PCDH9: variants seen among roughly 807,000 people sequenced by gnomAD.
PCDH9 encodes the protein protocadherin 9.
A neutral mutation model predicts 70.6 loss-of-function variants in PCDH9; 24 were observed. The ratio of observed to expected loss-of-function variants is 0.34; its 90% confidence interval spans 0.25 to 0.48. The LOEUF is 0.48. PCDH9 is among the 20% of genes least tolerant of loss of function. The pLI is 0.99. For synonymous variants in PCDH9, 562 were observed against 558.5 expected (o/e 1.01, Z -0.09); for missense variants, 1,281 against 1,503.6 (o/e 0.85, Z 2.45).
chr13:66,478,119 T>G (rs1958766730), intron 4 of PCDH9, among the ~76,000 whole-genome samples: 1 of 152,192 alleles, frequency 6.6e-6, no homozygotes, highest in Non-Finnish European at 1.5e-5. Context: ...TGCATTATTA[T>G]TATCTCTGTT....
intron 4 of PCDH9, among the ~76,000 whole-genome samples, chr13:66,463,131 A>T (rs1203253646): frequency 6.6e-6 from 1 of 151,932 alleles, no homozygotes; most frequent in East Asian, 1.9e-4. Context: ...CACCTAAGTG[A>T]TACTTTGTAA....
chr13:66,452,060 C>T (rs1958224677), intron 4 of PCDH9, among the ~76,000 whole-genome samples: 1 of 152,110 alleles, frequency 6.6e-6, no homozygotes, highest in Non-Finnish European at 1.5e-5. Flanking sequence ...TTTGATAATC[C>T]TATGAAGTAT....
At chr13:66,533,630 T>C (rs1220922855) in intron 4 of PCDH9, among the ~76,000 whole-genome samples, 3 of 152,098 alleles carry the variant, frequency 2.0e-5, no homozygotes, top group Admixed American at 6.6e-5. Context: ...AGACATGACA[T>C]AAAAGTTGTC....
chr13:67,115,321 C>T (rs748876731), intron 2 of PCDH9, among the ~76,000 whole-genome samples: 2 of 152,140 alleles, frequency 1.3e-5, no homozygotes, highest in Non-Finnish European at 2.9e-5. Flanking sequence ...AACAGCAGGC[C>T]TCGCACCTTG....
chr13:66,916,145 C>G (rs1188417307), intron 2 of PCDH9, among the ~76,000 whole-genome samples: 1 of 151,568 alleles, frequency 6.6e-6, no homozygotes, highest in Non-Finnish European at 1.5e-5. Context: ...TAAAAATTAT[C>G]TGAATTCCCT....
rs2089973466 is a variant in PCDH9 at position 67,230,118 on chromosome 13, C to T, written c.-474G>A. On this transcript the variant is annotated 5_prime_UTR_variant, in exon 1 of 5. Transcript: ENST00000377865. Reference sequence around the variant, plus strand: ...CATGCATACCATTTCCATCCGATGCCAATACTGCTTAAGTCTCTAACTTCT... The same window carrying T: ...CATGCATACCATTTCCATCCGATGCTAATACTGCTTAAGTCTCTAACTTCT... 1.3e-5 allele frequency: 2 copies of T among 152,174 alleles called. No homozygotes were observed. The allele number at this position is 152,174 out of a possible 1,614,324, so 9.4% of individuals were successfully genotyped here. A position where few individuals can be genotyped will look rare whatever the true frequency, so the allele number is the denominator to read the frequency against.
At chr13:67,149,911 A>G (rs2087614941) in intron 2 of PCDH9, among the ~76,000 whole-genome samples, 1 of 152,224 alleles carries the variant, frequency 6.6e-6, no homozygotes, top group Non-Finnish European at 1.5e-5. Flanking sequence ...ACCCAAGGTT[A>G]CAGCACTTCT....
chr13:66,822,136 GCACA>G (rs10701113), intron 3 of PCDH9, among the ~76,000 whole-genome samples: 27 of 149,262 alleles, frequency 1.8e-4, no homozygotes, highest in African/African-American at 5.2e-4. Flanking sequence ...TCACACACGC[GCACA>G]CACACACACA....
At chr13:67,167,016 G>A (rs998821297) in intron 2 of PCDH9, among the ~76,000 whole-genome samples, 3 of 152,138 alleles carry the variant, frequency 2.0e-5, no homozygotes, top group Non-Finnish European at 4.4e-5. Flanking sequence ...GTTCTACAAC[G>A]ATAACCTTCC....
At chr13:66,884,676 C>A (rs1566265912) in intron 3 of PCDH9, among the ~76,000 whole-genome samples, 2 of 152,048 alleles carry the variant, frequency 1.3e-5, no homozygotes, top group Non-Finnish European at 2.9e-5. Context: ...ACCAAGTTTG[C>A]AGCATTTTAA....
At chr13:66,762,014 G>T (rs1159637233) in intron 3 of PCDH9, among the ~76,000 whole-genome samples, 1 of 152,090 alleles carries the variant, frequency 6.6e-6, no homozygotes, top group Admixed American at 6.6e-5. Flanking sequence ...GTATGGATTT[G>T]TCTGAAAATG....
intron 2 of PCDH9, among the ~76,000 whole-genome samples, chr13:67,088,226 T>TA (rs1245477471): frequency 1.3e-4 from 19 of 151,984 alleles, no homozygotes; most frequent in Admixed American, 2.6e-4. Flanking sequence ...TACATTACAT[T>TA]AACCCATGCC....
At chr13:66,817,483 A>G (rs570460420) in intron 3 of PCDH9, among the ~76,000 whole-genome samples, 157 of 152,314 alleles carry the variant, frequency 1.0e-3, no homozygotes, top group Middle Eastern at 3.4e-3. Context: ...ACATGAGCAT[A>G]TAAATACCTT....
chr13:67,151,626 G>A (rs146149477), intron 2 of PCDH9, among the ~76,000 whole-genome samples: 1 of 152,214 alleles, frequency 6.6e-6, no homozygotes, highest in East Asian at 1.9e-4. Context: ...TTCACACAGT[G>A]ACTAAGGATG....
intron 2 of PCDH9, among the ~76,000 whole-genome samples, chr13:66,914,227 T>C (rs1401372486): frequency 1.3e-5 from 2 of 151,946 alleles, no homozygotes; most frequent in Admixed American, 6.6e-5. Context: ...TTTCTTCTTA[T>C]AGGTCTGGGT....
chr13:67,049,784 A>G (rs1299505261), intron 2 of PCDH9, among the ~76,000 whole-genome samples: 1 of 152,234 alleles, frequency 6.6e-6, no homozygotes, highest in African/African-American at 2.4e-5. Flanking sequence ...AAGAGTCTGT[A>G]GGAAAATAAT....
At chr13:66,488,122 T>C (rs1466537543) in intron 4 of PCDH9, among the ~76,000 whole-genome samples, 2 of 152,094 alleles carry the variant, frequency 1.3e-5, no homozygotes, top group Non-Finnish European at 2.9e-5. Flanking sequence ...TTAGGGAAAA[T>C]TTGTGCTGTA....
chr13:66,748,677 A>G (rs903652158), intron 3 of PCDH9, among the ~76,000 whole-genome samples: 4 of 152,196 alleles, frequency 2.6e-5, no homozygotes, highest in South Asian at 4.1e-4. Flanking sequence ...AAATTGTGCA[A>G]TTATTTGTGA....
intron 3 of PCDH9, among the ~76,000 whole-genome samples, chr13:66,880,913 C>A (rs2081911200): frequency 6.6e-6 from 1 of 152,176 alleles, no homozygotes. Context: ...TCTACAGTCA[C>A]AATTCAAATC....
Sources: gnomAD v4.1 joint callset for allele counts (sites outside exome capture counted in the v4.1 genomes callset) on GRCh38, gnomAD v4.1.1 for gene constraint, MANE v1.5 for transcripts, NCBI Gene and HGNC (gene_info 2026-07-23, HGNC 2026-07-21) for gene names.